FSIP2: variants seen among roughly 807,000 people sequenced by gnomAD.
The protein encoded by FSIP2 is fibrous sheath interacting protein 2, also known as fibrous sheath-interacting protein 2.
Under a neutral mutation model 510.5 loss-of-function variants are expected in FSIP2, and 367 were observed. The ratio of observed to expected loss-of-function variants is 0.72; its 90% CI spans 0.66 to 0.78. The LOEUF is 0.78. Ranked by LOEUF, FSIP2 falls within the 30% of genes least tolerant of loss-of-function variation. The probability of loss-of-function intolerance (pLI) is 0.00; values close to 1 mark genes in which losing one functional copy is unlikely to be tolerated. For synonymous variants in FSIP2, 2,601 were observed against 2,732.2 expected, an observed-to-expected ratio of 0.95 and a Z score of 1.50; for missense variants, 7,594 against 7,901.7, an observed-to-expected ratio of 0.96 and a Z score of 1.48.
Position 185,799,758 on chromosome 2 carries a change from G to T in FSIP2, c.10452G>T (p.Gln3484His). 6.6e-7 allele frequency: 1 copy of T among 1,508,606 alleles called. No homozygotes were observed. The highest frequency in any genetic ancestry group is 8.8e-7 in the Non-Finnish European group (1 of 1,131,916). The allele number at this position is 1,508,606 out of a possible 1,614,324, so 93.5% of individuals were successfully genotyped here. A position where few individuals can be genotyped will look rare whatever the true frequency, so the allele number is the denominator to read the frequency against. ...CAAGGAAAAAATATGAATCAAAACA[G>T]TTCCTAAGAAACATATACGATGATT... Reference protein sequence around the residue: ...TWSRKKYESKQFLRNIYDDSS... With the variant: ...TWSRKKYESKHFLRNIYDDSS... The change falls in exon 17 of 23, where the codon CAG becomes CAT. Residue 3484 changes from glutamine (Q) to histidine (H), a missense_variant. Gln to His is a conservative substitution (Grantham distance 24). Transcript: ENST00000424728.
intron 13 of FSIP2, among the ~76,000 whole-genome samples, chr2:185,776,458 ATATTTCTTC>A (rs1692722975): frequency 6.6e-6 from 1 of 151,956 alleles, no homozygotes; most frequent in South Asian, 2.1e-4. Context: ...ACCTGGGTGT[ATATTTCTTC>A]TATTTCTAAT....
Position 185,802,480 on chromosome 2 carries a change from G to C in FSIP2, c.13174G>C (p.Asp4392His). 1.2e-5 allele frequency: 18 copies of C among 1,533,544 alleles called. No homozygotes were observed. The highest frequency in any genetic ancestry group is 1.6e-5 in the Non-Finnish European group (18 of 1,145,274). The allele number at this position is 1,533,544 out of a possible 1,614,324, so 95.0% of individuals were successfully genotyped here. A position where few individuals can be genotyped will look rare whatever the true frequency, so the allele number is the denominator to read the frequency against. Residue 4392 changes from aspartate to histidine, a missense_variant, in exon 17 of 23, where the codon GAT (aspartate) becomes CAT (histidine). Physicochemically the swap from Asp to His is moderately conservative, Grantham distance 81 (BLOSUM62 -1). Coordinates refer to ENST00000424728, the MANE Select transcript of FSIP2 (RefSeq NM_173651.4). Reference sequence around the variant, plus strand: ...GCAGCATGGGCTAGACCTTGCTGTTGATAAAGAGTCTGAAGACAGTGGCAT... The same window carrying C: ...GCAGCATGGGCTAGACCTTGCTGTTCATAAAGAGTCTGAAGACAGTGGCAT... ...LKQHGLDLAV[D>H]KESEDSGIFV...
chr2:185,738,525 G>C (rs549304398), upstream of FSIP2: 216 of 1,336,000 alleles, frequency 1.6e-4, no homozygotes, highest in Non-Finnish European at 2.1e-4. Flanking sequence ...TTATTGAACG[G>C]AACAGGGCTC....
chr2:185,805,163 A>C lies in FSIP2; in HGVS notation c.15857A>C (p.His5286Pro). Residue 5286 changes from histidine to proline, a missense_variant, in exon 17 of 23, where the codon CAC (histidine) becomes CCC (proline). His to Pro is a moderately conservative substitution (Grantham distance 77). Coordinates refer to ENST00000424728, the MANE Select transcript of FSIP2 (RefSeq NM_173651.4). ...FLEDIIIDLV[H>P]KFCSLLIITE... is the part of the protein sequence containing the mutation. ...GAAGACATAATCATTGACCTTGTTC[A>C]CAAATTTTGTTCTCTCCTCATTATT... 1.9e-6 allele frequency: 3 copies of C among 1,610,222 alleles called. No individual in the cohort carries two copies. Among genetic ancestry groups the C allele is most frequent in the Non-Finnish European group, 2.5e-6 (3 of 1,177,806 alleles).
intron 8 of FSIP2, among the ~76,000 whole-genome samples, chr2:185,755,695 C>T (rs1692234095): frequency 6.6e-6 from 1 of 151,506 alleles, no homozygotes; most frequent in East Asian, 1.9e-4. Flanking sequence ...TTATAGTTTA[C>T]ATCTCTAATA....
intron 13 of FSIP2, among the ~76,000 whole-genome samples, chr2:185,767,225 G>T (rs1308356205): frequency 4.0e-5 from 6 of 149,606 alleles, no homozygotes; most frequent in African/African-American, 9.9e-5. Flanking sequence ...GCTAGATGAC[G>T]AGTTAGTGGG....
chr2:185,779,600 T>G (rs1321918736), intron 13 of FSIP2, among the ~76,000 whole-genome samples: 1 of 152,150 alleles, frequency 6.6e-6, no homozygotes. Flanking sequence ...ATCATAACTT[T>G]ATATCATACT....
At chr2:185,770,122 G>C (rs7602728) in intron 13 of FSIP2, among the ~76,000 whole-genome samples, 47,783 of 151,992 alleles carry the variant, frequency 0.31, 7,840 homozygotes, top group Middle Eastern at 0.41. Context: ...GCCATTGGTA[G>C]TTTGATAGGA....
Position 185,753,929 on chromosome 2 carries a change from A to G in FSIP2, c.991+87A>G, listed in dbSNP as rs143906608. 413 of 904,490 alleles carry G rather than the reference A, an allele frequency of 4.6e-4. 1 individual carries two copies. The African/African-American group carries it at 5.9e-3, about 13-fold the overall frequency. The allele number at this position is 904,490 out of a possible 1,614,324, so 56.0% of individuals were successfully genotyped here. On this transcript the variant is annotated intron_variant, in intron 8 of 22. Transcript: ENST00000424728. The stretch of plus-strand genomic sequence containing the variant: ...TCCTTGTGTAATACTCTGTGTATTT[A>G]CACTTGTTTCTCCCTTTGTGCCAGA...
rs915840851 is a variant in FSIP2 at position 185,806,271 on chromosome 2, G to C, written c.16965G>C (p.Glu5655Asp). 6 of 1,609,724 alleles carry C rather than the reference G, an allele frequency of 3.7e-6. No individual in the cohort carries two copies. The highest frequency in any genetic ancestry group is 1.7e-4 in the Middle Eastern group (1 of 6,036). Residue 5655 changes from glutamate to aspartate, a missense_variant, in exon 17 of 23, where the codon GAG becomes GAC. Coordinates refer to ENST00000424728, the MANE Select transcript of FSIP2 (RefSeq NM_173651.4). ...LEIRIRTSSN[E>D]GRRDSPTQTC... is the part of the protein sequence containing the mutation. The stretch of plus-strand genomic sequence containing the variant: ...TAAGAATTCGAACATCAAGCAATGA[G>C]GGGAGAAGAGACTCTCCAACACAAA...
At position 185,760,938 on chromosome 2, in the gene FSIP2, G is replaced by A. The variant is rs1464525643; in HGVS notation, c.1079-50G>A. On this transcript the variant is annotated intron_variant, in intron 9 of 22. Coordinates refer to ENST00000424728, the MANE Select transcript of FSIP2 (RefSeq NM_173651.4). ...TGTACTTTGATTGTACTTTCCTAAA[G>A]CTGTTAAAAAAAAAAAAAACTATAG... The A allele has an allele frequency of 8.5e-6, 5 of 589,130 alleles. No individual in the cohort carries two copies. In the East Asian group the frequency reaches 1.5e-4, roughly 18 times the overall value. The allele number at this position is 589,130 out of a possible 1,614,324, so 36.5% of individuals were successfully genotyped here.
Position 185,792,446 on chromosome 2 carries a change from A to ATT in FSIP2, c.5310_5311insTT (p.Glu1771LeufsTer12). 1 of 1,532,704 alleles carries ATT rather than the reference A, an allele frequency of 6.5e-7. No homozygotes were observed. The highest frequency in any genetic ancestry group is 1.2e-5 in the South Asian group (1 of 83,944). 94.9% of individuals were successfully genotyped at this position (1,532,704 alleles called of 1,614,324 possible). On this transcript the variant is annotated frameshift_variant, in exon 16 of 23. Coordinates refer to ENST00000424728, the MANE Select transcript of FSIP2 (RefSeq NM_173651.4). LOFTEE classifies it high-confidence loss of function. Reference sequence around the variant, plus strand: ...TAAACAAAATTGAAGTAAAACTCAAAGAACCACATATATCTCCAATTGCTC... The same window carrying ATT: ...TAAACAAAATTGAAGTAAAACTCAAATTGAACCACATATATCTCCAATTGCTC...
chr2:185,751,406 G>A (rs929169926), intron 7 of FSIP2, among the ~76,000 whole-genome samples: 1 of 148,816 alleles, frequency 6.7e-6, no homozygotes, highest in Admixed American at 6.7e-5. Flanking sequence ...CTGTTAGCAC[G>A]GCATATTATT....
chr2:185,801,237 A>C lies in FSIP2; in HGVS notation c.11931A>C (p.Glu3977Asp), dbSNP rs1441614452. ...YAGVYSATFL[E>D]GIISELFFNL... ...GTGTTTATTCAGCCACATTTTTGGA[A>C]GGAATAATTTCAGAATTGTTTTTTA... The change falls in exon 17 of 23, where the codon GAA becomes GAC. Residue 3977 changes from glutamate (E) to aspartate (D), a missense_variant. Coordinates refer to ENST00000424728, the MANE Select transcript of FSIP2 (RefSeq NM_173651.4). The C allele has an allele frequency of 2.3e-5, 36 of 1,534,128 alleles. No homozygotes were observed. The highest frequency in any genetic ancestry group is 3.0e-5 in the Non-Finnish European group (34 of 1,145,592).
In FSIP2 at chr2:185,796,597, C is replaced by A; in HGVS notation, c.9461C>A (p.Thr3154Asn). 6.5e-7 allele frequency: 1 copy of A among 1,535,120 alleles called. No individual in the cohort carries two copies. Among genetic ancestry groups the A allele is most frequent in the Non-Finnish European group, 8.7e-7 (1 of 1,146,252 alleles). ...SLFQGAENAYTVNQVELATNM... is the reference protein window; with the variant it reads ...SLFQGAENAYNVNQVELATNM... Reference sequence around the variant, plus strand: ...TTCCAAGGAGCTGAAAATGCCTACACTGTTAATCAGGTTGAATTAGCAACT... The same window carrying A: ...TTCCAAGGAGCTGAAAATGCCTACAATGTTAATCAGGTTGAATTAGCAACT... The change falls in exon 16 of 23, where the codon ACT becomes AAT. Residue 3154 changes from threonine (T) to asparagine (N), a missense_variant. Coordinates refer to ENST00000424728, the MANE Select transcript of FSIP2 (RefSeq NM_173651.4).
intron 13 of FSIP2, among the ~76,000 whole-genome samples, chr2:185,768,592 T>G (rs1256691674): frequency 6.6e-6 from 1 of 152,150 alleles, no homozygotes; most frequent in African/African-American, 2.4e-5. Context: ...TGTTGTTTTA[T>G]TTTATTTTTA....
At chr2:185,809,492 C>A (rs7355660) in intron 17 of FSIP2, among the ~76,000 whole-genome samples, 4 of 151,868 alleles carry the variant, frequency 2.6e-5, no homozygotes, top group Admixed American at 1.3e-4. Flanking sequence ...TTCCTTAGTT[C>A]GTTATGGATA....
chr2:185,797,650 G>A, intron 16 of FSIP2, 124 bp downstream of exon 16: 1 of 889,192 alleles, frequency 1.1e-6, no homozygotes, highest in Non-Finnish European at 1.7e-6. Context: ...TACCCTTGGA[G>A]GTAGATGACT....
At position 185,807,087 on chromosome 2, in the gene FSIP2, C is replaced by T; in HGVS notation, c.17781C>T (p.Asp5927=). The change falls in exon 17 of 23, where the codon GAC becomes GAT. Residue 5927 remains aspartate (D), a synonymous_variant. Transcript: ENST00000424728. ...VHSSVCNILN[D]YGSQDSIWKN... is the part of the protein sequence containing the mutation. ...CCTCTGTTTGTAATATTTTAAATGA[C>T]TATGGATCTCAAGACTCTATTTGGA... 6 of 1,592,510 alleles carry T rather than the reference C, an allele frequency of 3.8e-6. No individual in the cohort carries two copies. In the South Asian group the frequency reaches 4.6e-5, roughly 12 times the overall value.
Sources: allele counts gnomAD v4.1 joint callset (sites outside exome capture counted in the v4.1 genomes callset), GRCh38; gene constraint gnomAD v4.1.1; transcripts MANE v1.5; gene names NCBI Gene and HGNC (gene_info 2026-07-23, HGNC 2026-07-21).